CACNB4: variants seen among roughly 807,000 people sequenced by gnomAD.
CACNB4 encodes the protein voltage-dependent L-type calcium channel subunit beta-4.
CACNB4 carries 32 observed loss-of-function variants against 71.2 expected under a neutral mutation model. The observed-to-expected ratio is 0.45, with a 90% confidence interval of 0.34 to 0.60. CACNB4 has a LOEUF of 0.60. Ranked by LOEUF, CACNB4 falls within the 20% of genes least tolerant of loss-of-function variation. CACNB4 has a pLI of 0.01. For synonymous variants in CACNB4, 231 were observed against 236.9 expected (o/e 0.97, Z 0.23); for missense variants, 464 against 647.9 (o/e 0.72, Z 3.08).
At position 151,949,613 on chromosome 2, in the gene CACNB4, G is replaced by A. The variant is rs79513333; in HGVS notation, c.148-66243C>T. 2.3e-3 allele frequency among the ~76,000 whole-genome samples: 355 copies of A among 152,256 alleles called. 2 individuals are homozygous for A. The highest frequency in any genetic ancestry group is 8.1e-3 in the African/African-American group (337 of 41,556). ...TGGCTGTGAGAAAGAGGGAGAAGCC[G>A]AGGCTGAGGTCCTAGCAAGGGCCAT... On this transcript the variant is annotated intron_variant, in intron 2 of 13. Transcript: ENST00000539935.
At chr2:151,953,570 G>A (rs1040884643) in intron 2 of CACNB4, among the ~76,000 whole-genome samples, 5 of 152,214 alleles carry the variant, frequency 3.3e-5, no homozygotes, top group African/African-American at 7.2e-5. Flanking sequence ...TTAAGGGAAA[G>A]AATTTGTGTG....
intron 2 of CACNB4, among the ~76,000 whole-genome samples, chr2:151,930,055 C>T (rs970607713): frequency 6.6e-6 from 1 of 151,920 alleles, no homozygotes; most frequent in Non-Finnish European, 1.5e-5. Context: ...GGAAAACTGT[C>T]AGGAAAAAAT....
chr2:151,860,349 C>A (rs1046408560), intron 10 of CACNB4: 3 of 260,282 alleles, frequency 1.2e-5, no homozygotes, highest in Non-Finnish European at 2.2e-5. Flanking sequence ...AGGCTGAACA[C>A]CTCGTTTCCT....
At chr2:152,055,013 G>T (rs1057235790) in intron 2 of CACNB4, among the ~76,000 whole-genome samples, 1 of 152,066 alleles carries the variant, frequency 6.6e-6, no homozygotes, top group African/African-American at 2.4e-5. Context: ...TCTGTGGGTT[G>T]TCTTCTTTTT....
At chr2:152,011,027 A>C (rs1408459048) in intron 2 of CACNB4, among the ~76,000 whole-genome samples, 1 of 152,230 alleles carries the variant, frequency 6.6e-6, no homozygotes, top group Non-Finnish European at 1.5e-5. Context: ...TGGGTGATCA[A>C]AGAAAACAGA....
chr2:152,087,895 GAGAC>G (rs1335502297), intron 2 of CACNB4, among the ~76,000 whole-genome samples: 2 of 151,878 alleles, frequency 1.3e-5, no homozygotes, highest in African/African-American at 4.8e-5. Flanking sequence ...AAAAAAGAAA[GAGAC>G]AGAGAAAAAG....
chr2:152,062,434 G>A (rs1331845138), intron 2 of CACNB4, among the ~76,000 whole-genome samples: 2 of 152,170 alleles, frequency 1.3e-5, no homozygotes, highest in African/African-American at 2.4e-5. Flanking sequence ...TATGTACTGT[G>A]TCAGTTGCAT....
chr2:152,086,143 T>C (rs1687649194), intron 2 of CACNB4, among the ~76,000 whole-genome samples: 1 of 152,216 alleles, frequency 6.6e-6, no homozygotes, highest in Non-Finnish European at 1.5e-5. Context: ...ATGGTACACA[T>C]TTCTCTTACA....
intron 2 of CACNB4, among the ~76,000 whole-genome samples, chr2:152,095,895 C>T (rs1688240353): frequency 6.6e-6 from 1 of 152,108 alleles, no homozygotes; most frequent in Non-Finnish European, 1.5e-5. Flanking sequence ...TCAAGTGATC[C>T]GCCCACCTCA....
chr2:151,883,362 C>A lies in CACNB4; in HGVS notation c.156G>T (p.Ala52=). 2 of 1,613,866 alleles carry A rather than the reference C, an allele frequency of 1.2e-6. No individual in the cohort carries two copies. Among genetic ancestry groups the A allele is most frequent in the Non-Finnish European group, 1.7e-6 (2 of 1,179,796 alleles). Reference sequence around the variant, plus strand: ...CAGACGGCCTGCTTGTGTAGGAATCCGCTGAACCCTGGCAAAGAAAATAGA... The same window carrying A: ...CAGACGGCCTGCTTGTGTAGGAATCAGCTGAACCCTGGCAAAGAAAATAGA... The part of the protein sequence containing the change: ...STSFILRQGS[A]DSYTSRPSDS... Residue 52 remains alanine, a synonymous_variant, in exon 3 of 14, where the codon GCG becomes GCT. Coordinates refer to ENST00000539935, the MANE Select transcript of CACNB4 (RefSeq NM_000726.5).
intron 2 of CACNB4, chr2:151,973,991 C>T (rs1024930632): frequency 1.4e-5 from 16 of 1,177,512 alleles, no homozygotes; most frequent in African/African-American, 9.5e-5. Context: ...GCTAGGAAAG[C>T]GGCCTCTGAT....
intron 2 of CACNB4, among the ~76,000 whole-genome samples, chr2:152,059,278 C>T (rs1293256681): frequency 1.3e-5 from 2 of 152,222 alleles, no homozygotes; most frequent in Non-Finnish European, 2.9e-5. Context: ...CACTGACAGC[C>T]TGCACTGTGT....
At chr2:151,885,006 C>A (rs2099849005) in intron 2 of CACNB4, among the ~76,000 whole-genome samples, 1 of 152,206 alleles carries the variant, frequency 6.6e-6, no homozygotes, top group Admixed American at 6.5e-5. Context: ...AGTTTTTCTA[C>A]ATGTAGAAAT....
At chr2:152,071,848 TATA>T (rs1362829707) in intron 2 of CACNB4, among the ~76,000 whole-genome samples, 1 of 152,192 alleles carries the variant, frequency 6.6e-6, no homozygotes, top group East Asian at 1.9e-4. Context: ...ATAGTGCAAA[TATA>T]CCAGAGCCAG....
chr2:151,917,697 A>T (rs1402036654), intron 2 of CACNB4, among the ~76,000 whole-genome samples: 1 of 151,944 alleles, frequency 6.6e-6, no homozygotes, highest in Non-Finnish European at 1.5e-5. Context: ...TTAGCAAGGC[A>T]TGGTGGCAGG....
At chr2:152,025,608 T>A (rs1259845707) in intron 2 of CACNB4, among the ~76,000 whole-genome samples, 2 of 152,230 alleles carry the variant, frequency 1.3e-5, no homozygotes, top group African/African-American at 4.8e-5. Context: ...TCTCAAATCA[T>A]CTATGAAGTA....
intron 2 of CACNB4, among the ~76,000 whole-genome samples, chr2:152,071,276 C>T (rs934753512): frequency 2.6e-5 from 4 of 152,128 alleles, no homozygotes; most frequent in African/African-American, 9.7e-5. Context: ...GACTGTAAGC[C>T]GGTCAGCCCA....
intron 9 of CACNB4, chr2:151,861,079 C>A (rs2099841523): frequency 2.2e-6 from 1 of 456,920 alleles, no homozygotes. Flanking sequence ...TATGGCCTGC[C>A]TTGCTGAATT....
chr2:151,846,166 G>T (rs1456320286), intron 12 of CACNB4, among the ~76,000 whole-genome samples: 7 of 152,210 alleles, frequency 4.6e-5, no homozygotes. Context: ...ACCAATGATT[G>T]TGGTTGCTGG....
Sources: allele counts gnomAD v4.1 joint callset (sites outside exome capture counted in the v4.1 genomes callset), GRCh38; gene constraint gnomAD v4.1.1; transcripts MANE v1.5; gene names NCBI Gene and HGNC (gene_info 2026-07-23, HGNC 2026-07-21).